The following TMEM26 variants were observed in gnomAD, a reference collection of about 807,000 sequenced individuals.
The protein encoded by TMEM26 is transmembrane protein 26.
Under a neutral mutation model 28.8 loss-of-function variants are expected in TMEM26, and 38 were observed. That is an observed-to-expected ratio of 1.32 (90% CI 1.02 to 1.73). The LOEUF (loss-of-function observed/expected upper bound fraction) is 1.73. TMEM26 is among the 40% of genes most tolerant of loss of function. TMEM26 has a pLI of 0.00. For missense variants in TMEM26, 518 were observed against 447.1 expected (o/e 1.16, Z -1.43); for synonymous variants, 227 against 182.9 (o/e 1.24, Z -1.95).
At chr10:61,446,241 C>T (rs543460771) in intron 1 of TMEM26, among the ~76,000 whole-genome samples, 4 of 152,258 alleles carry the variant, frequency 2.6e-5, no homozygotes, top group Admixed American at 2.6e-4. Context: ...TGTCCTAAAC[C>T]ATGACTTGGA....
chr10:61,432,745 A>C (rs138363347), intron 2 of TMEM26, among the ~76,000 whole-genome samples: 254 of 152,310 alleles, frequency 1.7e-3, no homozygotes, highest in African/African-American at 5.9e-3. Context: ...AAAAAACAGA[A>C]AAGAAAGTCT....
chr10:61,439,734 T>G (rs1840061966), intron 1 of TMEM26, among the ~76,000 whole-genome samples: 1 of 152,180 alleles, frequency 6.6e-6, no homozygotes, highest in East Asian at 1.9e-4. Context: ...GTTATGAGGA[T>G]TAAATAAGAC....
At chr10:61,415,163 T>G in intron 4 of TMEM26, 1 of 985,162 alleles carries the variant, frequency 1.0e-6, no homozygotes, top group Non-Finnish European at 1.2e-6. Context: ...TGACCTAGAT[T>G]AGAATAGAAT....
In TMEM26 at chr10:61,453,048, T is replaced by C; in HGVS notation, c.34A>G (p.Thr12Ala). Residue 12 changes from threonine to alanine, a missense_variant, in exon 1 of 6, where the codon ACT (threonine) becomes GCT (alanine). By Grantham distance (58) the Thr-to-Ala change is moderately conservative (BLOSUM62 0). Transcript: ENST00000399298. The stretch of plus-strand genomic sequence containing the variant: ...GAGTGCAGCAGGAACAGCAACCGAG[T>C]GGCCAGGGCGTTAAGGAAGACCAGT... ...EGLVFLNALATRLLFLLHSLV... is the reference protein window; with the variant it reads ...EGLVFLNALAARLLFLLHSLV... 1 of 1,613,516 alleles carries C rather than the reference T, an allele frequency of 6.2e-7. No homozygotes were observed. Among genetic ancestry groups the C allele is most frequent in the Middle Eastern group, 1.6e-4 (1 of 6,062 alleles).
intron 4 of TMEM26, among the ~76,000 whole-genome samples, chr10:61,417,232 C>A (rs7082786): frequency 0.5 from 75,492 of 151,752 alleles, 20,886 homozygotes; most frequent in African/African-American, 0.75. Context: ...CAATGACTTG[C>A]TTCAGAGAGA....
At chr10:61,416,142 A>G (rs1281052099) in intron 4 of TMEM26, 1 of 446,116 alleles carries the variant, frequency 2.2e-6, no homozygotes, top group African/African-American at 2.0e-5. Context: ...AAAGTTGTTG[A>G]GGATATTTTC....
chr10:61,434,691 A>G (rs1428105286), intron 2 of TMEM26, among the ~76,000 whole-genome samples: 1 of 152,234 alleles, frequency 6.6e-6, no homozygotes, highest in Non-Finnish European at 1.5e-5. Context: ...AGCAGATTGA[A>G]GGGAGAAAAA....
At position 61,446,817 on chromosome 10, in the gene TMEM26, C is replaced by CAAAA. The variant is rs34030340; in HGVS notation, c.191+6070_191+6073dup. Among the ~76,000 whole-genome samples, 78 of 33,950 alleles carry CAAAA rather than the reference C, an allele frequency of 2.3e-3. 3 individuals are homozygous for CAAAA. Among genetic ancestry groups the CAAAA allele is most frequent in the South Asian group, 6.8e-3 (3 of 438 alleles). 22.3% of individuals were successfully genotyped at this position (33,950 alleles called of 152,430 possible). On this transcript the variant is annotated intron_variant, in intron 1 of 5. Coordinates refer to ENST00000399298, the MANE Select transcript of TMEM26 (RefSeq NM_178505.8). ...CTGGCGACAGAGCGAGACTCCATCT[C>CAAAA]AAAAAAAAAAAAAAAAAAAAAAAAA... is the stretch of plus-strand genomic sequence containing the variant.
chr10:61,413,992 G>T lies in TMEM26; in HGVS notation c.606-457C>A, dbSNP rs571328209. 5.7e-5 allele frequency: 56 copies of T among 986,832 alleles called. 1 individual carries two copies. In the African/African-American group the frequency reaches 9.2e-4, roughly 16 times the overall value. 61.1% of individuals were successfully genotyped at this position (986,832 alleles called of 1,614,324 possible). A position where few individuals can be genotyped will look rare whatever the true frequency, so the allele number is the denominator to read the frequency against. ...GATCAAAGATTAAAAACTCAACATT[G>T]AAATAAAATTGTCATTAGATAGGAA... On this transcript the variant is annotated intron_variant, in intron 4 of 5. Coordinates refer to ENST00000399298, the MANE Select transcript of TMEM26 (RefSeq NM_178505.8).
intron 1 of TMEM26, among the ~76,000 whole-genome samples, chr10:61,451,982 T>C (rs886903251): frequency 6.3e-5 from 6 of 95,932 alleles, no homozygotes; most frequent in Non-Finnish European, 9.2e-5. Flanking sequence ...ATTTTTAATG[T>C]ATTGATATAT....
chr10:61,412,700 T>C (rs554197459), intron 5 of TMEM26, among the ~76,000 whole-genome samples: 2 of 152,280 alleles, frequency 1.3e-5, no homozygotes, highest in South Asian at 4.1e-4. Context: ...TCCAATATGG[T>C]AGCCATTTGT....
intron 1 of TMEM26, among the ~76,000 whole-genome samples, chr10:61,446,360 C>T (rs1222298371): frequency 6.6e-6 from 1 of 152,172 alleles, no homozygotes; most frequent in African/African-American, 2.4e-5. Context: ...ATATAAAACA[C>T]ACATTCCCAC....
Position 61,425,663 on chromosome 10 carries a change from A to T in TMEM26, c.605+3263T>A, listed in dbSNP as rs576777263. 6.5e-4 allele frequency among the ~76,000 whole-genome samples: 99 copies of T among 152,276 alleles called. 1 individual carries two copies. The highest frequency in any genetic ancestry group is 2.3e-3 in the African/African-American group (96 of 41,574). ...GACACATCACCAAAGAAGATAGATG[A>T]ATAGCTAATATTTCCATGAAAAGAT... is the stretch of plus-strand genomic sequence containing the variant. On this transcript the variant is annotated intron_variant, in intron 4 of 5. Coordinates refer to ENST00000399298, the MANE Select transcript of TMEM26 (RefSeq NM_178505.8).
rs574714285 is a variant in TMEM26 at position 61,453,213 on chromosome 10, C to G, written c.-132G>C. Reference sequence around the variant, plus strand: ...GCTGCTGCTTGTGGTCCCTTCTCACCCTCAGCGCCCGATGCCGGTAGAACT... The same window carrying G: ...GCTGCTGCTTGTGGTCCCTTCTCACGCTCAGCGCCCGATGCCGGTAGAACT... On this transcript the variant is annotated 5_prime_UTR_variant, in exon 1 of 6. Coordinates refer to ENST00000399298, the MANE Select transcript of TMEM26 (RefSeq NM_178505.8). 1.1e-5 allele frequency: 10 copies of G among 914,348 alleles called. No homozygotes were observed. In the Admixed American group the frequency reaches 2.4e-4, roughly 22 times the overall value. The allele number at this position is 914,348 out of a possible 1,614,324, so 56.6% of individuals were successfully genotyped here.
Position 61,410,541 on chromosome 10 carries a change from C to T in TMEM26, c.888G>A (p.Val296=), listed in dbSNP as rs904129178. 2.5e-6 allele frequency: 4 copies of T among 1,614,158 alleles called. No homozygotes were observed. Among genetic ancestry groups the T allele is most frequent in the Non-Finnish European group, 3.4e-6 (4 of 1,180,030 alleles). Residue 296 remains valine (V), a synonymous_variant, in exon 6 of 6, where the codon GTG becomes GTA. Coordinates refer to ENST00000399298, the MANE Select transcript of TMEM26 (RefSeq NM_178505.8). ...LVFFAAKNFL[V]VVLQLYRLVV... is the part of the protein sequence containing the mutation. ...CCAAGCGGTAGAGTTGCAACACCAC[C>T]ACGAGGAAGTTCTTCGCGGCAAAGA...
At chr10:61,411,536 A>G (rs1050491564) in intron 5 of TMEM26, among the ~76,000 whole-genome samples, 1 of 152,244 alleles carries the variant, frequency 6.6e-6, no homozygotes, top group East Asian at 1.9e-4. Context: ...TTCAAATTCA[A>G]ACTTAATTCA....
At chr10:61,413,660 T>A in intron 4 of TMEM26, 125 bp from the exon 5 acceptor site, 6 of 1,332,144 alleles carry the variant, frequency 4.5e-6, no homozygotes, top group Non-Finnish European at 3.8e-6. Context: ...CTTGGTGATT[T>A]AATAAATCAA....
intron 2 of TMEM26, among the ~76,000 whole-genome samples, chr10:61,432,924 TAATG>T (rs1328698506): frequency 6.6e-6 from 1 of 152,172 alleles, no homozygotes; most frequent in African/African-American, 2.4e-5. Flanking sequence ...CAAGAAAAGA[TAATG>T]AAGATAAAAA....
intron 4 of TMEM26, among the ~76,000 whole-genome samples, chr10:61,425,880 C>T (rs1453747610): frequency 2.0e-5 from 3 of 152,076 alleles, no homozygotes; most frequent in African/African-American, 4.8e-5. Context: ...AATATCTCAG[C>T]AGATTTTTTT....
Sources: allele counts gnomAD v4.1 joint callset (sites outside exome capture counted in the v4.1 genomes callset), GRCh38; gene constraint gnomAD v4.1.1; transcripts MANE v1.5; gene names NCBI Gene and HGNC (gene_info 2026-07-23, HGNC 2026-07-21).